NTM: variants seen among roughly 807,000 people sequenced by gnomAD.
NTM encodes the protein neurotrimin.
NTM carries 13 observed loss-of-function variants against 42.1 expected under a neutral mutation model. The ratio of observed to expected loss-of-function variants is 0.31; its 90% CI spans 0.20 to 0.49. The LOEUF is 0.49. NTM is among the 20% of genes least tolerant of loss of function. The pLI, the probability that NTM is intolerant of heterozygous loss-of-function variation, is 0.99. For synonymous variants in NTM, 187 were observed against 179.2 expected, an observed-to-expected ratio of 1.04 and a Z score of -0.35; for missense variants, 373 against 452.8, an observed-to-expected ratio of 0.82 and a Z score of 1.60.
At chr11:131,938,653 G>T (rs942144906) in intron 2 of NTM, among the ~76,000 whole-genome samples, 1 of 152,208 alleles carries the variant, frequency 6.6e-6, no homozygotes, top group Non-Finnish European at 1.5e-5. Context: ...GGTGGGTGGG[G>T]CAGGGTGACA....
At chr11:132,255,748 C>T (rs934249287) in intron 4 of NTM, among the ~76,000 whole-genome samples, 17 of 152,156 alleles carry the variant, frequency 1.1e-4, no homozygotes, top group Non-Finnish European at 2.2e-4. Context: ...TGGTTCAGTC[C>T]TATTTGCTCT....
At chr11:131,874,383 C>G (rs921427797) in intron 1 of NTM, among the ~76,000 whole-genome samples, 2 of 151,754 alleles carry the variant, frequency 1.3e-5, no homozygotes, top group Non-Finnish European at 1.5e-5. Flanking sequence ...TAATTTTTTT[C>G]AATTGTTTTT....
intron 1 of NTM, among the ~76,000 whole-genome samples, chr11:131,575,448 T>C (rs2057838527): frequency 6.6e-6 from 1 of 152,170 alleles, no homozygotes; most frequent in Admixed American, 6.5e-5. Flanking sequence ...ACACAACATA[T>C]AGAGATGTTC....
At chr11:131,628,711 A>G (rs1011670902) in intron 1 of NTM, among the ~76,000 whole-genome samples, 29 of 152,218 alleles carry the variant, frequency 1.9e-4, no homozygotes, top group African/African-American at 7.0e-4. Flanking sequence ...GTGCCTCCAG[A>G]CCAAGGGACA....
intron 2 of NTM, among the ~76,000 whole-genome samples, chr11:132,111,889 T>C (rs1452408228): frequency 1.3e-5 from 2 of 152,204 alleles, no homozygotes; most frequent in Admixed American, 6.5e-5. Context: ...TCTGGCGAGG[T>C]TGTCAGTGAT....
chr11:131,527,046 A>G (rs931811790), intron 1 of NTM, among the ~76,000 whole-genome samples: 1 of 152,178 alleles, frequency 6.6e-6, no homozygotes, highest in Non-Finnish European at 1.5e-5. Context: ...AGCAATGACA[A>G]GTCAGCCTGG....
intron 1 of NTM, among the ~76,000 whole-genome samples, chr11:131,632,547 T>A (rs1326784889): frequency 6.6e-6 from 1 of 152,110 alleles, no homozygotes; most frequent in Non-Finnish European, 1.5e-5. Flanking sequence ...CCAGATAGGG[T>A]TCTTCCTTTG....
chr11:131,770,570 GT>G (rs1461351370), intron 1 of NTM, among the ~76,000 whole-genome samples: 2 of 152,148 alleles, frequency 1.3e-5, no homozygotes, highest in Non-Finnish European at 1.5e-5. Context: ...CCTTCACTGA[GT>G]TATAAAATTT....
chr11:132,316,932 A>G (rs532650111), intron 7 of NTM, among the ~76,000 whole-genome samples: 2 of 151,884 alleles, frequency 1.3e-5, no homozygotes. Context: ...GGAAAGCAGC[A>G]TGTACTTTTT....
intron 2 of NTM, among the ~76,000 whole-genome samples, chr11:132,069,757 C>A (rs1294586481): frequency 6.6e-6 from 1 of 150,928 alleles, no homozygotes; most frequent in Admixed American, 6.6e-5. Flanking sequence ...GTCACACAGC[C>A]AAGTTAACAC....
At chr11:131,815,125 C>T (rs2092899646) in intron 1 of NTM, among the ~76,000 whole-genome samples, 1 of 152,192 alleles carries the variant, frequency 6.6e-6, no homozygotes. Flanking sequence ...CAAGCTCGAA[C>T]TCCTCCGCTT....
intron 4 of NTM, among the ~76,000 whole-genome samples, chr11:132,212,685 T>C (rs2083066358): frequency 6.6e-6 from 1 of 152,256 alleles, no homozygotes; most frequent in Non-Finnish European, 1.5e-5. Context: ...AAAAATTTAC[T>C]TTATCTGAAT....
intron 1 of NTM, among the ~76,000 whole-genome samples, chr11:131,762,536 G>A (rs796510525): frequency 1.2e-4 from 19 of 152,356 alleles, no homozygotes; most frequent in African/African-American, 4.3e-4. Context: ...ACCCGAGCTG[G>A]AGGACCTGAA....
At chr11:131,589,858 C>T (rs2137272058) in intron 1 of NTM, among the ~76,000 whole-genome samples, 1 of 152,260 alleles carries the variant, frequency 6.6e-6, no homozygotes, top group Non-Finnish European at 1.5e-5. Flanking sequence ...TCAGGTAATA[C>T]AGAGTGGAGG....
chr11:132,231,936 G>C (rs994512670), intron 4 of NTM, among the ~76,000 whole-genome samples: 2 of 152,136 alleles, frequency 1.3e-5, no homozygotes, highest in African/African-American at 2.4e-5. Context: ...CTAATGGATA[G>C]GGCAGTGCAG....
intron 1 of NTM, among the ~76,000 whole-genome samples, chr11:131,579,039 T>A (rs966812471): frequency 6.6e-6 from 1 of 152,162 alleles, no homozygotes; most frequent in South Asian, 2.1e-4. Context: ...AAATGCAAGG[T>A]CTGAGTCCAG....
At chr11:131,437,820 C>T in intron 1 of NTM, among the ~76,000 whole-genome samples, 1 of 152,134 alleles carries the variant, frequency 6.6e-6, no homozygotes, top group East Asian at 1.9e-4. Context: ...GAATTTGATC[C>T]TGTCAATATG....
At position 131,901,654 on chromosome 11, in the gene NTM, GA is replaced by G. The variant is rs370371583; in HGVS notation, c.83-9899del. On this transcript the variant is annotated intron_variant, in intron 1 of 8. Coordinates refer to ENST00000683400, the MANE Select transcript of NTM (RefSeq NM_001352005.2). ...TAGCTTTAAGCAGCTCTCTGCCTTT[GA>G]AAAAAAAAAAGATAGTCTTCTCATT... is the stretch of plus-strand genomic sequence containing the variant. Among the ~76,000 whole-genome samples, 476 of 144,320 alleles carry G rather than the reference GA, an allele frequency of 3.3e-3. 3 individuals are homozygous for G. Among genetic ancestry groups the G allele is most frequent in the African/African-American group, 9.9e-3 (393 of 39,596 alleles). The allele number at this position is 144,320 out of a possible 152,430, so 94.7% of individuals were successfully genotyped here.
chr11:131,387,317 C>CCTCT (rs542813589), intron 1 of NTM, among the ~76,000 whole-genome samples: 2 of 150,356 alleles, frequency 1.3e-5, no homozygotes, highest in East Asian at 2.0e-4. Flanking sequence ...TCTCTCTCTC[C>CCTCT]CTCTCTCTCT....
Sources: gnomAD v4.1 joint callset for allele counts (sites outside exome capture counted in the v4.1 genomes callset) on GRCh38, gnomAD v4.1.1 for gene constraint, MANE v1.5 for transcripts, NCBI Gene and HGNC (gene_info 2026-07-23, HGNC 2026-07-21) for gene names.